The following RCOR1 variants were observed in gnomAD, a reference collection of about 807,000 sequenced individuals.
RCOR1 encodes REST corepressor 1.
Under a neutral mutation model 64.0 loss-of-function variants are expected in RCOR1, and 12 were observed. The observed-to-expected ratio is 0.19, with a 90% CI of 0.12 to 0.30. The LOEUF is 0.30. Among genes scored for constraint, RCOR1 ranks in the 10% least tolerant of loss-of-function variants. The probability of loss-of-function intolerance (pLI) is 1.00; values close to 1 mark genes in which losing one functional copy is unlikely to be tolerated. For synonymous variants in RCOR1, 279 were observed against 227.2 expected, an observed-to-expected ratio of 1.23 and a Z score of -2.05; for missense variants, 502 against 621.2, an observed-to-expected ratio of 0.81 and a Z score of 2.04.
At chr14:102,697,387 A>G (rs1895670964) in intron 3 of RCOR1, among the ~76,000 whole-genome samples, 1 of 152,222 alleles carries the variant, frequency 6.6e-6, no homozygotes, top group African/African-American at 2.4e-5. Context: ...CTTACCCTGT[A>G]CATAACCTGT....
At chr14:102,657,932 G>A in intron 2 of RCOR1, 5 of 984,280 alleles carry the variant, frequency 5.1e-6, no homozygotes, top group Non-Finnish European at 6.0e-6. Flanking sequence ...AAGTGAAAGA[G>A]TTTTCTTTAT....
At chr14:102,595,292 A>G (rs1298763519) in intron 2 of RCOR1, among the ~76,000 whole-genome samples, 1 of 152,170 alleles carries the variant, frequency 6.6e-6, no homozygotes, top group Non-Finnish European at 1.5e-5. Flanking sequence ...TCTGGAGCTC[A>G]GGAGTTGGAG....
intron 2 of RCOR1, among the ~76,000 whole-genome samples, chr14:102,676,306 A>C (rs1595224623): frequency 7.1e-6 from 1 of 141,794 alleles, no homozygotes; most frequent in African/African-American, 2.7e-5. Context: ...AGCGCCCCTC[A>C]CCTCCCGGAT....
chr14:102,655,520 CTATT>C (rs771022320), intron 2 of RCOR1: 4 of 969,896 alleles, frequency 4.1e-6, no homozygotes, highest in Admixed American at 6.2e-5. Context: ...CTTTAGGTAT[CTATT>C]AATAGTTCAG....
chr14:102,610,780 T>G (rs903173881), intron 2 of RCOR1, among the ~76,000 whole-genome samples: 1 of 152,016 alleles, frequency 6.6e-6, no homozygotes, highest in African/African-American at 2.4e-5. Flanking sequence ...GGTCTCAATC[T>G]CCTGACCTCA....
chr14:102,615,804 A>G (rs1198883255), intron 2 of RCOR1, among the ~76,000 whole-genome samples: 1 of 152,172 alleles, frequency 6.6e-6, no homozygotes, highest in Non-Finnish European at 1.5e-5. Flanking sequence ...TGAAAATCAC[A>G]GTTTCTGCTT....
intron 11 of RCOR1, among the ~76,000 whole-genome samples, chr14:102,723,574 G>A (rs936220738): frequency 6.6e-6 from 1 of 152,208 alleles, no homozygotes; most frequent in Non-Finnish European, 1.5e-5. Context: ...TCACCCCCAT[G>A]CATAGCTCTG....
At chr14:102,616,319 G>T (rs1893762574) in intron 2 of RCOR1, among the ~76,000 whole-genome samples, 1 of 151,630 alleles carries the variant, frequency 6.6e-6, no homozygotes, top group African/African-American at 2.4e-5. Context: ...GCCAAGGCTG[G>T]AGTGCAGTGG....
intron 3 of RCOR1, among the ~76,000 whole-genome samples, chr14:102,691,801 A>G (rs2139969935): frequency 6.6e-6 from 1 of 152,320 alleles, no homozygotes; most frequent in Middle Eastern, 3.4e-3. Context: ...AAAACGTTTC[A>G]TTGTGTTCAG....
intron 11 of RCOR1, 26 bp from the exon 12 acceptor site, chr14:102,726,437 CTTTTT>C: frequency 3.6e-5 from 51 of 1,411,514 alleles, no homozygotes; most frequent in East Asian, 9.4e-5. Context: ...CTCTTTGATC[CTTTTT>C]TTTTTTTTTT....
intron 2 of RCOR1, among the ~76,000 whole-genome samples, chr14:102,617,972 C>CTTTTTTTTTTTTT (rs71305077): frequency 1.6e-5 from 2 of 122,526 alleles, no homozygotes; most frequent in African/African-American, 3.1e-5. Context: ...TTTTTTTTTT[C>CTTTTTTTTTTTTT]TTTTTTTTTT....
At chr14:102,701,379 A>ACGCCTGTAATCCCAGC in intron 4 of RCOR1, 49 bp downstream of exon 4, 1 of 1,363,474 alleles carries the variant, frequency 7.3e-7, no homozygotes, top group East Asian at 2.5e-5. Context: ...GAGTATTTGT[A>ACGCCTGTAATCCCAGC]ACTAAATAAT....
chr14:102,674,420 T>C (rs761963262), intron 2 of RCOR1, among the ~76,000 whole-genome samples: 6 of 152,240 alleles, frequency 3.9e-5, no homozygotes, highest in Non-Finnish European at 7.3e-5. Context: ...ACCAATAGTT[T>C]ATACACATAC....
chr14:102,662,809 A>G (rs1207564411), intron 2 of RCOR1: 1 of 180,908 alleles, frequency 5.5e-6, no homozygotes, highest in Non-Finnish European at 1.2e-5. Context: ...TTTCCAATTT[A>G]TTGCTGTTTT....
chr14:102,649,505 ACTT>A (rs959273630), intron 2 of RCOR1, among the ~76,000 whole-genome samples: 1 of 152,206 alleles, frequency 6.6e-6, no homozygotes, highest in African/African-American at 2.4e-5. Flanking sequence ...TAGATGTGTG[ACTT>A]CTATTCCATG....
In RCOR1 at chr14:102,682,131, A is replaced by T. The variant is rs184907764; in HGVS notation, c.445+153A>T. ...TTTTAAAGTGTATATTTCTTTTTTT[A>T]AAATTTTTTATTTTTTGAGATGGAT... is the stretch of plus-strand genomic sequence containing the variant. On this transcript the variant is annotated intron_variant, in intron 3 of 11. Coordinates refer to ENST00000262241, the MANE Select transcript of RCOR1 (RefSeq NM_015156.4). 5.6e-3 allele frequency among the ~76,000 whole-genome samples: 847 copies of T among 152,106 alleles called. 3 individuals are homozygous for T. Among genetic ancestry groups the T allele is most frequent in the Non-Finnish European group, 7.7e-3 (526 of 67,984 alleles).
chr14:102,662,907 G>A (rs938489255), intron 2 of RCOR1, among the ~76,000 whole-genome samples: 1 of 152,148 alleles, frequency 6.6e-6, no homozygotes, highest in Non-Finnish European at 1.5e-5. Context: ...AGAGGCTCGG[G>A]TAAACATTGC....
chr14:102,696,093 T>A (rs1025222801), intron 3 of RCOR1, among the ~76,000 whole-genome samples: 11 of 152,126 alleles, frequency 7.2e-5, no homozygotes, highest in African/African-American at 2.7e-4. Context: ...CCTTCATTGA[T>A]CATTATTATC....
At chr14:102,722,459 G>A (rs781318980) in intron 11 of RCOR1, 43 bp downstream of exon 11, 6 of 1,483,040 alleles carry the variant, frequency 4.0e-6, no homozygotes, top group Admixed American at 3.6e-5. Context: ...TCAGGTTCAC[G>A]CTTGATACTC....
Sources: allele counts gnomAD v4.1 joint callset (sites outside exome capture counted in the v4.1 genomes callset), GRCh38; gene constraint gnomAD v4.1.1; transcripts MANE v1.5; gene names NCBI Gene and HGNC (gene_info 2026-07-23, HGNC 2026-07-21).